ITFG1: variants seen among roughly 807,000 people sequenced by gnomAD.
The protein encoded by ITFG1 is integrin alpha FG-GAP repeat containing 1, also known as T-cell immunomodulatory protein.
In ITFG1, 34 loss-of-function variants were observed where a neutral mutation model predicts 81.8. The ratio of observed to expected loss-of-function variants is 0.42; its 90% confidence interval spans 0.32 to 0.55. The LOEUF (loss-of-function observed/expected upper bound fraction) is 0.55. Among genes scored for constraint, ITFG1 ranks in the 20% least tolerant of loss-of-function variants. ITFG1 has a pLI of 0.17. For synonymous variants in ITFG1, 285 were observed against 270.6 expected, an observed-to-expected ratio of 1.05 and a Z score of -0.52; for missense variants, 672 against 755.4, an observed-to-expected ratio of 0.89 and a Z score of 1.29.
intron 1 of ITFG1, among the ~76,000 whole-genome samples, chr16:47,460,569 G>C (rs1215158923): frequency 6.6e-6 from 1 of 152,170 alleles, no homozygotes; most frequent in Non-Finnish European, 1.5e-5. Flanking sequence ...AAGGTGACTG[G>C]GTGAGGGCCG....
intron 5 of ITFG1, among the ~76,000 whole-genome samples, chr16:47,437,352 C>T (rs187494222): frequency 1.2e-3 from 178 of 151,922 alleles, no homozygotes; most frequent in Non-Finnish European, 1.8e-3. Context: ...TCCATAGTCC[C>T]GGCTACTCAG....
chr16:47,194,332 G>A (rs1047508336), intron 14 of ITFG1, among the ~76,000 whole-genome samples: 4 of 152,136 alleles, frequency 2.6e-5, no homozygotes, highest in Non-Finnish European at 4.4e-5. Flanking sequence ...TAAAGTTCTT[G>A]ATAATGGTAA....
chr16:47,442,097 C>A (rs1000887328), intron 5 of ITFG1, among the ~76,000 whole-genome samples: 15 of 152,112 alleles, frequency 9.9e-5, no homozygotes, highest in East Asian at 3.9e-4. Flanking sequence ...CAAAGAGAAT[C>A]AAATACCTAG....
chr16:47,205,033 C>T (rs540512071), intron 14 of ITFG1, among the ~76,000 whole-genome samples: 1 of 152,294 alleles, frequency 6.6e-6, no homozygotes, highest in Non-Finnish European at 1.5e-5. Context: ...TGTCTGTTTA[C>T]AATGCCACAT....
intron 5 of ITFG1, among the ~76,000 whole-genome samples, chr16:47,443,711 A>G (rs535758125): frequency 6.8e-4 from 104 of 152,226 alleles, no homozygotes; most frequent in Non-Finnish European, 1.3e-3. Flanking sequence ...GAACACATGG[A>G]CAGAGGAAGG....
intron 13 of ITFG1, among the ~76,000 whole-genome samples, chr16:47,226,879 A>T (rs1030211061): frequency 3.3e-5 from 5 of 152,290 alleles, no homozygotes; most frequent in South Asian, 2.1e-4. Flanking sequence ...TATAGTTTTT[A>T]AAAAAATAAA....
At chr16:47,427,454 C>T (rs946595027) in intron 6 of ITFG1, among the ~76,000 whole-genome samples, 3 of 151,938 alleles carry the variant, frequency 2.0e-5, no homozygotes, top group Non-Finnish European at 4.4e-5. Flanking sequence ...CTCTGGAGTT[C>T]GAGACCAGCC....
intron 14 of ITFG1, among the ~76,000 whole-genome samples, chr16:47,181,724 GT>G (rs1003131431): frequency 6.6e-6 from 1 of 152,214 alleles, no homozygotes; most frequent in Non-Finnish European, 1.5e-5. Context: ...GACAATGGCG[GT>G]TTTGTGGAAT....
chr16:47,248,629 A>C (rs1459634871), intron 12 of ITFG1, among the ~76,000 whole-genome samples: 2 of 152,216 alleles, frequency 1.3e-5, no homozygotes, highest in African/African-American at 4.8e-5. Context: ...CAGTGATATC[A>C]GAATAAAAAT....
intron 12 of ITFG1, among the ~76,000 whole-genome samples, chr16:47,252,906 A>C (rs2151539512): frequency 6.6e-6 from 1 of 152,246 alleles, no homozygotes; most frequent in South Asian, 2.1e-4. Flanking sequence ...GGCATCTCAA[A>C]ACAACTAGAA....
In ITFG1 at chr16:47,253,255, A is replaced by C. The variant is rs547496728; in HGVS notation, c.1330+5377T>G. Among the ~76,000 whole-genome samples, 6 of 152,338 alleles carry C rather than the reference A, an allele frequency of 3.9e-5. No homozygotes were observed. The East Asian group carries it at 1.2e-3, about 29-fold the overall frequency. Reference sequence around the variant, plus strand: ...CTTTTTACTACAGAACATTTCAAACAAAAGTATAAACATATATAAAACTGA... The same window carrying C: ...CTTTTTACTACAGAACATTTCAAACCAAAGTATAAACATATATAAAACTGA... On this transcript the variant is annotated intron_variant, in intron 12 of 17. Coordinates refer to ENST00000320640, the MANE Select transcript of ITFG1 (RefSeq NM_030790.5).
At chr16:47,380,722 T>C (rs1161544972) in intron 6 of ITFG1, among the ~76,000 whole-genome samples, 3 of 152,172 alleles carry the variant, frequency 2.0e-5, no homozygotes, top group Non-Finnish European at 4.4e-5. Flanking sequence ...CAGCAATTCA[T>C]TTACAGGAAC....
At chr16:47,167,206 A>C (rs1412037293) in intron 14 of ITFG1, among the ~76,000 whole-genome samples, 1 of 152,158 alleles carries the variant, frequency 6.6e-6, no homozygotes, top group Non-Finnish European at 1.5e-5. Flanking sequence ...GGCTTCTTTC[A>C]CTTAGCATAA....
chr16:47,410,658 C>CT (rs1162318054), intron 6 of ITFG1, among the ~76,000 whole-genome samples: 1 of 152,108 alleles, frequency 6.6e-6, no homozygotes, highest in Admixed American at 6.6e-5. Flanking sequence ...TAAACAGCTC[C>CT]TAAGGAAGGT....
chr16:47,275,924 C>G (rs753289279), intron 10 of ITFG1, among the ~76,000 whole-genome samples: 1 of 151,988 alleles, frequency 6.6e-6, no homozygotes, highest in African/African-American at 2.4e-5. Flanking sequence ...TATTTACATT[C>G]TATTAAGTCA....
intron 3 of ITFG1, among the ~76,000 whole-genome samples, chr16:47,453,269 G>A (rs953197581): frequency 2.6e-5 from 4 of 152,126 alleles, no homozygotes; most frequent in African/African-American, 9.7e-5. Flanking sequence ...CAGAAAACAT[G>A]ACTGAAATTT....
At chr16:47,397,577 T>G (rs1968608635) in intron 6 of ITFG1, among the ~76,000 whole-genome samples, 1 of 152,222 alleles carries the variant, frequency 6.6e-6, no homozygotes, top group Non-Finnish European at 1.5e-5. Flanking sequence ...AAGACATTTT[T>G]GGTTGCTACA....
rs74019131 is a variant in ITFG1 at position 47,205,797 on chromosome 16, T to C, written c.1453+13071A>G. Among the ~76,000 whole-genome samples the C allele has an allele frequency of 7.2e-3, 1,101 of 152,224 alleles. 13 individuals carry two copies. The highest frequency in any genetic ancestry group is 0.025 in the African/African-American group (1,025 of 41,536). ...TCAGTTTAATTAATCAGAGTCATAG[T>C]TGTTTGTCAATTTCCCCAGCTGGAA... On this transcript the variant is annotated intron_variant, in intron 14 of 17. Coordinates refer to ENST00000320640, the MANE Select transcript of ITFG1 (RefSeq NM_030790.5).
At chr16:47,302,765 T>G (rs1967095671) in intron 10 of ITFG1, among the ~76,000 whole-genome samples, 1 of 152,222 alleles carries the variant, frequency 6.6e-6, no homozygotes, top group African/African-American at 2.4e-5. Flanking sequence ...ATGCAGAAAT[T>G]ATGACACTAA....
Sources: gnomAD v4.1 joint callset for allele counts (sites outside exome capture counted in the v4.1 genomes callset) on GRCh38, gnomAD v4.1.1 for gene constraint, MANE v1.5 for transcripts, NCBI Gene and HGNC (gene_info 2026-07-23, HGNC 2026-07-21) for gene names.